PRIM2: variants seen among roughly 807,000 people sequenced by gnomAD.
PRIM2 encodes DNA primase large subunit.
A neutral mutation model predicts 67.3 loss-of-function variants in PRIM2; 39 were observed. That is an observed-to-expected ratio of 0.58 (90% CI 0.45 to 0.76). The LOEUF (loss-of-function observed/expected upper bound fraction) is 0.76, where lower values mean the gene tolerates loss of function less well. Among genes scored for constraint, PRIM2 ranks in the 30% least tolerant of loss-of-function variants. PRIM2 has a pLI of 0.00. For missense variants in PRIM2, 398 were observed against 598.7 expected (o/e 0.66, Z 3.50); for synonymous variants, 143 against 198.7 (o/e 0.72, Z 2.36).
chr6:57,308,030 G>A, the PRIM2 span, among the ~76,000 whole-genome samples: 2 of 152,046 alleles, frequency 1.3e-5, no homozygotes, highest in African/African-American at 4.8e-5. Flanking sequence ...CATCCATGTC[G>A]ATATGCTTAC....
At chr6:57,639,524 AAG>A (rs1777187930) in intron 13 of PRIM2, among the ~76,000 whole-genome samples, 2 of 151,574 alleles carry the variant, frequency 1.3e-5, no homozygotes, top group Admixed American at 6.6e-5. Flanking sequence ...CAAAGAAGAA[AAG>A]AGAGAAGAAT....
At chr6:57,585,739 G>A (rs1222539609) in intron 10 of PRIM2, among the ~76,000 whole-genome samples, 6 of 152,298 alleles carry the variant, frequency 3.9e-5, no homozygotes, top group African/African-American at 1.4e-4. Context: ...GAAACCAAAG[G>A]TCAAGGCCTG....
the PRIM2 span, among the ~76,000 whole-genome samples, chr6:57,267,461 A>C: frequency 6.6e-6 from 1 of 152,130 alleles, no homozygotes; most frequent in Non-Finnish European, 1.5e-5. Flanking sequence ...GAGAGGCTGC[A>C]TAAAACCTTT....
intron 10 of PRIM2, among the ~76,000 whole-genome samples, chr6:57,565,634 G>T (rs1212112863): frequency 6.6e-6 from 1 of 152,206 alleles, no homozygotes; most frequent in Non-Finnish European, 1.5e-5. Flanking sequence ...GGGGAGAGCA[G>T]TCTTCTTTAC....
At chr6:57,636,978 G>A (rs1458803511) in intron 13 of PRIM2, among the ~76,000 whole-genome samples, 2 of 152,180 alleles carry the variant, frequency 1.3e-5, no homozygotes, top group African/African-American at 4.8e-5. Context: ...CTCCCAGCAG[G>A]GGCCGACAGA....
the PRIM2 span, among the ~76,000 whole-genome samples, chr6:57,256,518 G>T: frequency 6.6e-6 from 1 of 152,100 alleles, no homozygotes; most frequent in African/African-American, 2.4e-5. Context: ...CTAACTTATG[G>T]TTTAATTGGC....
intron 9 of PRIM2, among the ~76,000 whole-genome samples, chr6:57,534,679 A>T (rs1372704292): frequency 3.9e-5 from 6 of 152,182 alleles, no homozygotes; most frequent in Admixed American, 3.3e-4. Context: ...TGTAGACTTA[A>T]ATCCAAACTC....
Position 57,584,075 on chromosome 6 carries a change from G to A in PRIM2, c.1021-17018G>A, listed in dbSNP as rs1261110449. ...TGTTTTTGTTTTTGTTTTTCTTTTT[G>A]CTAATAACAGTAGTGCATTTGTACT... On this transcript the variant is annotated intron_variant, in intron 10 of 13. Transcript: ENST00000615550. Among the ~76,000 whole-genome samples the A allele has an allele frequency of 2.6e-4, 34 of 131,170 alleles. No individual in the cohort carries two copies. The East Asian group carries it at 6.7e-3, about 26-fold the overall frequency. The allele number at this position is 131,170 out of a possible 152,430, so 86.1% of individuals were successfully genotyped here.
intron 7 of PRIM2, among the ~76,000 whole-genome samples, chr6:57,491,532 A>C (rs1282150270): frequency 1.3e-5 from 2 of 152,192 alleles, no homozygotes; most frequent in African/African-American, 4.8e-5. Flanking sequence ...GAGTGTGTAC[A>C]TGCTGTTTTC....
intron 10 of PRIM2, among the ~76,000 whole-genome samples, chr6:57,567,467 G>T (rs1359477976): frequency 1.3e-5 from 2 of 152,096 alleles, no homozygotes; most frequent in Non-Finnish European, 2.9e-5. Flanking sequence ...TAGGCTGGGT[G>T]TATTAAAATT....
intron 7 of PRIM2, chr6:57,505,331 A>C (rs1469962517): frequency 6.6e-6 from 1 of 152,154 alleles, no homozygotes; most frequent in African/African-American, 2.4e-5. Context: ...CTCGAAAGTA[A>C]GTTGGAGGTG....
At chr6:57,306,042 G>T in the PRIM2 span, among the ~76,000 whole-genome samples, 814 of 152,254 alleles carry the variant, frequency 5.3e-3, 5 homozygotes, top group Non-Finnish European at 8.0e-3. Context: ...ACCAAGGTCA[G>T]ATTTTTTTCT....
chr6:57,312,239 G>T (rs1189556465), upstream of PRIM2, among the ~76,000 whole-genome samples: 1 of 152,086 alleles, frequency 6.6e-6, no homozygotes, highest in Non-Finnish European at 1.5e-5. Context: ...GGTGGCTTAT[G>T]CCTGTAATCT....
At chr6:57,331,362 T>C (rs989470503) in intron 5 of PRIM2, among the ~76,000 whole-genome samples, 10 of 152,160 alleles carry the variant, frequency 6.6e-5, no homozygotes, top group Non-Finnish European at 1.3e-4. Flanking sequence ...TAAGGGATAC[T>C]GGTCTGTAGG....
intron 10 of PRIM2, among the ~76,000 whole-genome samples, chr6:57,556,105 C>T (rs1775509179): frequency 6.6e-6 from 1 of 152,296 alleles, no homozygotes. Flanking sequence ...ATGAGCTCTA[C>T]AATGAGAATT....
chr6:57,414,443 GA>G (rs1771193610), intron 7 of PRIM2, among the ~76,000 whole-genome samples: 1 of 152,126 alleles, frequency 6.6e-6, no homozygotes, highest in East Asian at 1.9e-4. Context: ...GTATAAAATA[GA>G]AACCTTTAAA....
chr6:57,400,313 C>T (rs1770664150), intron 7 of PRIM2, among the ~76,000 whole-genome samples: 3 of 152,212 alleles, frequency 2.0e-5, no homozygotes, highest in African/African-American at 7.2e-5. Flanking sequence ...TTAACTTCCT[C>T]AACATTTTCT....
the PRIM2 span, among the ~76,000 whole-genome samples, chr6:57,229,858 CT>C: frequency 7.4e-6 from 1 of 134,442 alleles, no homozygotes; most frequent in African/African-American, 2.9e-5. Context: ...ATTTCCAATT[CT>C]TTTTTGTTGC....
intron 7 of PRIM2, among the ~76,000 whole-genome samples, chr6:57,398,591 C>A (rs1347504994): frequency 6.6e-6 from 1 of 152,054 alleles, no homozygotes; most frequent in Non-Finnish European, 1.5e-5. Context: ...AGAGCATTTG[C>A]TGTGTGGTGA....
Sources: gnomAD v4.1 joint callset for allele counts (sites outside exome capture counted in the v4.1 genomes callset) on GRCh38, gnomAD v4.1.1 for gene constraint, MANE v1.5 for transcripts, NCBI Gene and HGNC (gene_info 2026-07-23, HGNC 2026-07-21) for gene names.